GALK2: variants seen among roughly 807,000 people sequenced by gnomAD.
The protein encoded by GALK2 is N-acetylgalactosamine kinase.
In GALK2, 36 loss-of-function variants were observed where a neutral mutation model predicts 52.4. That is an observed-to-expected ratio of 0.69 (90% CI 0.53 to 0.91). The LOEUF is 0.91. GALK2 is among the 40% of genes least tolerant of loss of function. The pLI is 0.00. For synonymous variants in GALK2, 176 were observed against 199.1 expected, an observed-to-expected ratio of 0.88 and a Z score of 0.98; for missense variants, 579 against 559.1, an observed-to-expected ratio of 1.04 and a Z score of -0.36.
chr15:49,246,481 G>C (rs1345709836), intron 5 of GALK2, among the ~76,000 whole-genome samples: 1 of 152,088 alleles, frequency 6.6e-6, no homozygotes, highest in Admixed American at 6.6e-5. Context: ...AGAAGTATAG[G>C]GTTGAGCTGC....
chr15:49,272,189 T>A (rs2030771469), intron 5 of GALK2, among the ~76,000 whole-genome samples: 1 of 152,178 alleles, frequency 6.6e-6, no homozygotes, highest in East Asian at 1.9e-4. Context: ...AGCCTCAATT[T>A]CCTTCTCTAT....
chr15:49,156,962 A>AG, intron 1 of GALK2: 1 of 333,182 alleles, frequency 3.0e-6, no homozygotes, highest in South Asian at 2.6e-5. Flanking sequence ...TCTCATTGTG[A>AG]GAGCATCCTC....
At chr15:49,300,282 T>G (rs948747413) in intron 8 of GALK2, among the ~76,000 whole-genome samples, 2 of 152,038 alleles carry the variant, frequency 1.3e-5, no homozygotes, top group Admixed American at 6.6e-5. Context: ...GTCTTCTGTT[T>G]GCTTGATAGA....
At chr15:49,220,942 A>G (rs1029213592) in intron 3 of GALK2, among the ~76,000 whole-genome samples, 4 of 152,030 alleles carry the variant, frequency 2.6e-5, no homozygotes, top group African/African-American at 9.7e-5. Context: ...ACTAGTTTTT[A>G]CTATCGAGTG....
intron 3 of GALK2, among the ~76,000 whole-genome samples, chr15:49,349,861 A>C (rs775929572): frequency 6.6e-6 from 1 of 152,200 alleles, no homozygotes; most frequent in Non-Finnish European, 1.5e-5. Flanking sequence ...ATAAAAAACA[A>C]AACAAAACAA....
chr15:49,317,680 T>C (rs998205535), intron 8 of GALK2, among the ~76,000 whole-genome samples: 2 of 151,970 alleles, frequency 1.3e-5, no homozygotes, highest in Non-Finnish European at 2.9e-5. Flanking sequence ...CAATGATAGA[T>C]TGGATAAAGA....
At chr15:49,179,501 T>C (rs2085784517) in intron 1 of GALK2, among the ~76,000 whole-genome samples, 1 of 152,114 alleles carries the variant, frequency 6.6e-6, no homozygotes, top group Non-Finnish European at 1.5e-5. Context: ...ATGTCATAGC[T>C]CCTGAAATTT....
chr15:49,156,870 C>T, intron 1 of GALK2: 1 of 609,630 alleles, frequency 1.6e-6, no homozygotes, highest in Non-Finnish European at 2.8e-6. Context: ...CAAAAATTTC[C>T]TATGTGTACT....
At chr15:49,298,146 T>G (rs766131336) in intron 8 of GALK2, among the ~76,000 whole-genome samples, 2 of 152,188 alleles carry the variant, frequency 1.3e-5, no homozygotes, top group Non-Finnish European at 1.5e-5. Flanking sequence ...CTTGGTTAAC[T>G]ATATTCCTAA....
At chr15:49,218,692 A>G (rs190667636) in intron 3 of GALK2, among the ~76,000 whole-genome samples, 14 of 152,378 alleles carry the variant, frequency 9.2e-5, no homozygotes, top group South Asian at 6.2e-4. Flanking sequence ...TTGTTTACCA[A>G]TAATGGACAT....
At chr15:49,303,061 CT>C (rs1596032867) in intron 8 of GALK2, among the ~76,000 whole-genome samples, 1 of 152,168 alleles carries the variant, frequency 6.6e-6, no homozygotes, top group East Asian at 1.9e-4. Context: ...TGGTCACTTC[CT>C]TTTGCCCATC....
At chr15:49,295,636 C>T (rs16962308) in intron 8 of GALK2, among the ~76,000 whole-genome samples, 3,403 of 152,214 alleles carry the variant, frequency 0.022, 102 homozygotes, top group South Asian at 0.076. Context: ...TGTCCTGTGT[C>T]CCTTTTGAGC....
chr15:49,223,301 A>G (rs1292031484), intron 3 of GALK2, among the ~76,000 whole-genome samples: 1 of 152,064 alleles, frequency 6.6e-6, no homozygotes, highest in Non-Finnish European at 1.5e-5. Flanking sequence ...TCTGGCTAGC[A>G]GTTTATCAAT....
downstream of GALK2, among the ~76,000 whole-genome samples, chr15:49,336,691 T>A (rs2039772548): frequency 6.6e-6 from 1 of 152,252 alleles, no homozygotes; most frequent in African/African-American, 2.4e-5. Context: ...CCTTGGTAAG[T>A]ACTTTCTAAA....
Position 49,265,007 on chromosome 15 carries a change from C to G in GALK2, c.505-16980C>G, listed in dbSNP as rs539135446. ...TACTGGGGGGTGCCTCCCAGTTAGG[C>G]TGCTTGGGGGTCAGGGGTCAGGGAC... On this transcript the variant is annotated intron_variant, in intron 5 of 9. Transcript: ENST00000560031. 2.0e-5 allele frequency among the ~76,000 whole-genome samples: 3 copies of G among 152,308 alleles called. No homozygotes were observed. In the East Asian group the frequency reaches 5.8e-4, roughly 29 times the overall value.
chr15:49,324,064 T>A (rs906556928), intron 9 of GALK2, among the ~76,000 whole-genome samples: 10 of 152,234 alleles, frequency 6.6e-5, no homozygotes, highest in Non-Finnish European at 1.3e-4. Context: ...GTGAGACAGC[T>A]CATTCACTAT....
In GALK2 at chr15:49,330,529, G is replaced by A. The variant is rs977249764; in HGVS notation, c.*2370G>A. ...TACAGGGCATCAATGAACTAGGGCT[G>A]AGATAGTAGCTGCCTTGTTAGATGA... On this transcript the variant is annotated 3_prime_UTR_variant, in exon 10 of 10. Coordinates refer to ENST00000560031, the MANE Select transcript of GALK2 (RefSeq NM_002044.4). 1 of 152,184 alleles carries A rather than the reference G, an allele frequency of 6.6e-6. No individual in the cohort carries two copies. Among genetic ancestry groups the A allele is most frequent in the African/African-American group, 2.4e-5 (1 of 41,442 alleles). The allele number at this position is 152,184 out of a possible 1,614,324, so 9.4% of individuals were successfully genotyped here. A position where few individuals can be genotyped will look rare whatever the true frequency, so the allele number is the denominator to read the frequency against.
intron 3 of GALK2, among the ~76,000 whole-genome samples, chr15:49,347,954 G>A (rs2041746926): frequency 6.7e-6 from 1 of 149,652 alleles, no homozygotes; most frequent in Admixed American, 6.7e-5. Flanking sequence ...GGGAGGTGGA[G>A]GCTGCAGTGA....
At chr15:49,283,169 T>C (rs1418627754) in intron 6 of GALK2, among the ~76,000 whole-genome samples, 2 of 152,208 alleles carry the variant, frequency 1.3e-5, no homozygotes, top group Non-Finnish European at 2.9e-5. Context: ...AAAGAAACCC[T>C]CTGTCTGCCC....
Sources: gnomAD v4.1 joint callset for allele counts (sites outside exome capture counted in the v4.1 genomes callset) on GRCh38, gnomAD v4.1.1 for gene constraint, MANE v1.5 for transcripts, NCBI Gene and HGNC (gene_info 2026-07-23, HGNC 2026-07-21) for gene names.